CCDC198: variants seen among roughly 807,000 people sequenced by gnomAD.
CCDC198 encodes coiled-coil domain containing 198.
In CCDC198, 18 loss-of-function variants were observed where a neutral mutation model predicts 35.6. That is an observed-to-expected ratio of 0.51 (90% CI 0.35 to 0.75). CCDC198 has a LOEUF of 0.75. CCDC198 is among the 30% of genes least tolerant of loss of function. CCDC198 has a pLI of 0.01. For synonymous variants in CCDC198, 119 were observed against 113.4 expected (o/e 1.05, Z -0.31); for missense variants, 365 against 343.7 (o/e 1.06, Z -0.49).
chr14:57,493,100 A>G (rs1440301801), intron 1 of CCDC198, among the ~76,000 whole-genome samples: 2 of 152,178 alleles, frequency 1.3e-5, no homozygotes, highest in Non-Finnish European at 2.9e-5. Context: ...GGTGCATTAA[A>G]CTATACTGGA....
Position 57,481,678 on chromosome 14 carries a change from CT to C in CCDC198, c.394-19del. 1.3e-6 allele frequency: 2 copies of C among 1,491,744 alleles called. No individual in the cohort carries two copies. Among genetic ancestry groups the C allele is most frequent in the Non-Finnish European group, 1.9e-6 (2 of 1,072,996 alleles). The allele number at this position is 1,491,744 out of a possible 1,614,324, so 92.4% of individuals were successfully genotyped here. On this transcript the variant is annotated intron_variant, in intron 3 of 5. Coordinates refer to ENST00000216445, the MANE Select transcript of CCDC198 (RefSeq NM_018168.4). Reference sequence around the variant, plus strand: ...AGTACCTGCTATGAAAGACAACACACTTGTTAGTATGGGGTAATTTGTTACT... The same window carrying C: ...AGTACCTGCTATGAAAGACAACACACTGTTAGTATGGGGTAATTTGTTACT...
chr14:57,471,305 G>T lies in CCDC198; in HGVS notation c.*50C>A. On this transcript the variant is annotated 3_prime_UTR_variant, in exon 6 of 6. Transcript: ENST00000216445. ...TATATCAGTTTGGAAGATTTTGAGA[G>T]TAAAACAAGCTTTCAAAGCACTCAG... 1 of 1,385,110 alleles carries T rather than the reference G, an allele frequency of 7.2e-7. No homozygotes were observed. Among genetic ancestry groups the T allele is most frequent in the Non-Finnish European group, 1.0e-6 (1 of 990,490 alleles). The allele number at this position is 1,385,110 out of a possible 1,614,324, so 85.8% of individuals were successfully genotyped here.
At chr14:57,484,370 A>G (rs2067287628) in intron 2 of CCDC198, among the ~76,000 whole-genome samples, 1 of 152,194 alleles carries the variant, frequency 6.6e-6, no homozygotes, top group Non-Finnish European at 1.5e-5. Flanking sequence ...TGGTTCTTCA[A>G]GCCAATGAAC....
intron 5 of CCDC198, among the ~76,000 whole-genome samples, chr14:57,474,170 T>A (rs574993210): frequency 6.6e-6 from 1 of 152,306 alleles, no homozygotes; most frequent in African/African-American, 2.4e-5. Context: ...GACCACACAA[T>A]GCCTGGCACT....
At chr14:57,473,993 C>T (rs963762586) in intron 5 of CCDC198, among the ~76,000 whole-genome samples, 6 of 152,214 alleles carry the variant, frequency 3.9e-5, no homozygotes, top group Non-Finnish European at 8.8e-5. Flanking sequence ...TACATGCCCT[C>T]CTCCCCACTT....
intron 4 of CCDC198, 138 bp downstream of exon 4, chr14:57,481,421 G>C: frequency 1.7e-6 from 1 of 605,988 alleles, no homozygotes. Flanking sequence ...CTCAGCTTTA[G>C]TAGTTGAACC....
intron 3 of CCDC198, among the ~76,000 whole-genome samples, chr14:57,482,239 C>A (rs562349154): frequency 6.6e-6 from 1 of 152,158 alleles, no homozygotes; most frequent in African/African-American, 2.4e-5. Context: ...ACAGTGCAGA[C>A]GGTTATTGAG....
intron 2 of CCDC198, among the ~76,000 whole-genome samples, chr14:57,489,888 A>G: frequency 6.6e-6 from 1 of 152,084 alleles, no homozygotes; most frequent in East Asian, 1.9e-4. Flanking sequence ...CACATTTTAA[A>G]CTGCCCTGTT....
chr14:57,475,779 A>ACTT (rs1301813498), intron 5 of CCDC198: 1 of 247,680 alleles, frequency 4.0e-6, no homozygotes, highest in African/African-American at 2.8e-5. Flanking sequence ...TTTGTACGGC[A>ACTT]CTTAGCTTCT....
chr14:57,486,759 A>G (rs1010072577), intron 2 of CCDC198, among the ~76,000 whole-genome samples: 4 of 152,118 alleles, frequency 2.6e-5, no homozygotes, highest in African/African-American at 9.7e-5. Flanking sequence ...TCATGGACCA[A>G]GTTTTTGCTT....
intron 2 of CCDC198, among the ~76,000 whole-genome samples, chr14:57,485,114 G>A (rs1836433170): frequency 6.6e-6 from 1 of 152,186 alleles, no homozygotes; most frequent in African/African-American, 2.4e-5. Context: ...CAAATTTGGT[G>A]TGCAATAGAT....
In CCDC198 at chr14:57,479,117, G is replaced by C; in HGVS notation, c.655+1478C>G. 3.0e-6 allele frequency: 3 copies of C among 1,000,678 alleles called. No individual in the cohort carries two copies. In the African/African-American group the frequency reaches 5.0e-5, roughly 17 times the overall value. The allele number at this position is 1,000,678 out of a possible 1,614,324, so 62.0% of individuals were successfully genotyped here. A position where few individuals can be genotyped will look rare whatever the true frequency, so the allele number is the denominator to read the frequency against. On this transcript the variant is annotated intron_variant, in intron 5 of 5. Transcript: ENST00000216445. ...TGTAGACAAGCCTGTCCATTAGAAA[G>C]CATAGAGCGATCTGAGAGCATAAAC...
chr14:57,471,957 C>T (rs901737037), intron 5 of CCDC198, among the ~76,000 whole-genome samples: 1 of 151,760 alleles, frequency 6.6e-6, no homozygotes, highest in African/African-American at 2.4e-5. Context: ...GTGGCAGAGT[C>T]ACCTCCCCCC....
At chr14:57,491,845 G>C (rs2067581668) in intron 1 of CCDC198, among the ~76,000 whole-genome samples, 1 of 152,004 alleles carries the variant, frequency 6.6e-6, no homozygotes, top group African/African-American at 2.4e-5. Context: ...CTATTTTACA[G>C]TCCCACTTTG....
chr14:57,487,882 T>G (rs557654890), intron 2 of CCDC198, among the ~76,000 whole-genome samples: 2 of 152,340 alleles, frequency 1.3e-5, no homozygotes, highest in South Asian at 2.1e-4. Context: ...AAGATAATTA[T>G]AGCTGATCTC....
intron 5 of CCDC198, chr14:57,478,766 T>C: frequency 9.1e-7 from 1 of 1,096,540 alleles, no homozygotes; most frequent in Non-Finnish European, 1.1e-6. Flanking sequence ...GTTAAATAGA[T>C]GCCCCAAGTA....
At chr14:57,483,796 G>A (rs1483405822) in intron 2 of CCDC198, among the ~76,000 whole-genome samples, 1 of 152,106 alleles carries the variant, frequency 6.6e-6, no homozygotes, top group Non-Finnish European at 1.5e-5. Flanking sequence ...AAGTGATCAA[G>A]CAGGTTTGGG....
intron 5 of CCDC198, chr14:57,475,455 GC>G: frequency 8.1e-7 from 1 of 1,238,962 alleles, no homozygotes. Context: ...ATCAATTGTG[GC>G]CAGGCGCGGT....
intron 5 of CCDC198, chr14:57,479,124 G>A: frequency 1.1e-6 from 1 of 946,694 alleles, no homozygotes; most frequent in Non-Finnish European, 1.5e-6. Context: ...AAAGCATAGA[G>A]CGATCTGAGA....
Sources: gnomAD v4.1 joint callset for allele counts (sites outside exome capture counted in the v4.1 genomes callset) on GRCh38, gnomAD v4.1.1 for gene constraint, MANE v1.5 for transcripts, NCBI Gene and HGNC (gene_info 2026-07-23, HGNC 2026-07-21) for gene names.